RHCG: variants seen among roughly 807,000 people sequenced by gnomAD.
The protein encoded by RHCG is ammonium transporter Rh type C.
A neutral mutation model predicts 55.3 loss-of-function variants in RHCG; 39 were observed. The ratio of observed to expected loss-of-function variants is 0.70; its 90% CI spans 0.55 to 0.92. The LOEUF (loss-of-function observed/expected upper bound fraction) is 0.92. RHCG is among the 40% of genes least tolerant of loss of function. The pLI is 0.00. For synonymous variants in RHCG, 250 were observed against 246.8 expected (o/e 1.01, Z -0.12); for missense variants, 635 against 627.9 (o/e 1.01, Z -0.12).
intron 5 of RHCG, 136 bp downstream of exon 5, chr15:89,479,186 A>C (rs1232090952): frequency 3.4e-6 from 3 of 879,506 alleles, no homozygotes; most frequent in Non-Finnish European, 5.0e-6. Context: ...CATGTGCTCA[A>C]AACAAATCAT....
chr15:89,473,564 T>A lies in RHCG; in HGVS notation c.1312-701A>T, dbSNP rs528166065. Reference sequence around the variant, plus strand: ...TACCCATGGGTTTTGTATCAGCAGGTTACACCTATCACAGGTTGAAAATAT... The same window carrying A: ...TACCCATGGGTTTTGTATCAGCAGGATACACCTATCACAGGTTGAAAATAT... On this transcript the variant is annotated intron_variant, in intron 9 of 10. Transcript: ENST00000268122. Among the ~76,000 whole-genome samples, 24 of 152,250 alleles carry A rather than the reference T, an allele frequency of 1.6e-4. No homozygotes were observed. The South Asian group carries it at 5.0e-3, about 32-fold the overall frequency.
intron 1 of RHCG, among the ~76,000 whole-genome samples, chr15:89,495,606 G>A (rs1337709898): frequency 6.6e-6 from 1 of 152,168 alleles, no homozygotes; most frequent in Admixed American, 6.5e-5. Context: ...TGTGTTTGGT[G>A]CTCTTGTAGC....
At chr15:89,486,642 G>GTC in intron 2 of RHCG, 157 bp downstream of exon 2, 1 of 537,730 alleles carries the variant, frequency 1.9e-6, no homozygotes, top group East Asian at 3.8e-5. Context: ...GTGTGTGTGT[G>GTC]TATCTGTCTC....
chr15:89,472,658 G>C (rs892283214), intron 10 of RHCG, 53 bp downstream of exon 10: 1 of 1,531,454 alleles, frequency 6.5e-7, no homozygotes, highest in Non-Finnish European at 8.9e-7. Flanking sequence ...CTGAGAGCTG[G>C]GCCCCCACTG....
At chr15:89,486,594 G>GAT (rs879591410) in intron 2 of RHCG, 1 of 499,048 alleles carries the variant, frequency 2.0e-6, no homozygotes. Context: ...GAGAGAGAGA[G>GAT]AGAGAGTGTG....
chr15:89,472,416 T>C (rs553734915), intron 10 of RHCG, among the ~76,000 whole-genome samples: 1 of 152,224 alleles, frequency 6.6e-6, no homozygotes, highest in African/African-American at 2.4e-5. Flanking sequence ...ATTCTCAAAG[T>C]CACACACCAG....
At position 89,479,435 on chromosome 15, in the gene RHCG, G is replaced by A; in HGVS notation, c.724C>T (p.His242Tyr). ...WPSFNSAISY[H>Y]GDSQHRAAIN... ...GCGGCTCGGTGCTGGCTGTCCCCATGGTAGGATATGGCTGAGTTGAAGCTG... is the reference window on the plus strand; with the variant it reads ...GCGGCTCGGTGCTGGCTGTCCCCATAGTAGGATATGGCTGAGTTGAAGCTG... Residue 242 changes from histidine to tyrosine, a missense_variant, in exon 5 of 11, where the codon CAT (histidine) becomes TAT (tyrosine). By Grantham distance (83) the His-to-Tyr change is moderately conservative (BLOSUM62 2). Coordinates refer to ENST00000268122, the MANE Select transcript of RHCG (RefSeq NM_016321.3). The A allele has an allele frequency of 6.2e-7, 1 of 1,614,054 alleles. No homozygotes were observed. The highest frequency in any genetic ancestry group is 8.5e-7 in the Non-Finnish European group (1 of 1,179,998).
At position 89,492,340 on chromosome 15, in the gene RHCG, C is replaced by A. The variant is rs546298230; in HGVS notation, c.184+4021G>T. 6.6e-5 allele frequency among the ~76,000 whole-genome samples: 10 copies of A among 152,330 alleles called. No homozygotes were observed. The East Asian group carries it at 1.9e-3, about 29-fold the overall frequency. On this transcript the variant is annotated intron_variant, in intron 1 of 10. Coordinates refer to ENST00000268122, the MANE Select transcript of RHCG (RefSeq NM_016321.3). Reference sequence around the variant, plus strand: ...GAACAAAGTGTCCCACACTAATGGGCCTCTGCAGCCCTCCCCTCTGCTGCA... The same window carrying A: ...GAACAAAGTGTCCCACACTAATGGGACTCTGCAGCCCTCCCCTCTGCTGCA...
Position 89,480,396 on chromosome 15 carries a change from C to T in RHCG, c.535G>A (p.Gly179Arg). 1 of 1,613,532 alleles carries T rather than the reference C, an allele frequency of 6.2e-7. No homozygotes were observed. Among genetic ancestry groups the T allele is most frequent in the Non-Finnish European group, 8.5e-7 (1 of 1,179,544 alleles). ...LLNLLKVKDAGGSMTIHTFGA... is the reference protein window; with the variant it reads ...LLNLLKVKDARGSMTIHTFGA... ...AATGTGTGGATGGTCATGGAGCCTC[C>T]TGCATCCTTCACCTGGGGTGCAAGG... Residue 179 changes from glycine (G) to arginine (R), a missense_variant, in exon 4 of 11, where the codon GGA (glycine) becomes AGA (arginine). Coordinates refer to ENST00000268122, the MANE Select transcript of RHCG (RefSeq NM_016321.3).
chr15:89,484,475 G>T (rs1381261069), intron 2 of RHCG, among the ~76,000 whole-genome samples: 1 of 152,088 alleles, frequency 6.6e-6, no homozygotes, highest in Admixed American at 6.6e-5. Flanking sequence ...TGATAGAAGT[G>T]ACCATTAGAA....
chr15:89,473,295 G>A (rs767176776), intron 9 of RHCG, among the ~76,000 whole-genome samples: 3 of 152,214 alleles, frequency 2.0e-5, no homozygotes, highest in African/African-American at 7.2e-5. Context: ...AGACAGGTCC[G>A]AAAATGGGGT....
At chr15:89,488,775 G>A (rs541955776) in intron 1 of RHCG, among the ~76,000 whole-genome samples, 1 of 60,272 alleles carries the variant, frequency 1.7e-5, no homozygotes, top group Non-Finnish European at 3.8e-5. Flanking sequence ...TGGGAGAATG[G>A]GGGGGGGGGA....
chr15:89,496,252 G>T, intron 1 of RHCG, 109 bp downstream of exon 1: 1 of 1,115,814 alleles, frequency 9.0e-7, no homozygotes, highest in Non-Finnish European at 1.3e-6. Context: ...TGCGGAGTCC[G>T]CGGCTGCAGG....
intron 2 of RHCG, 58 bp from the exon 3 acceptor site, chr15:89,483,275 G>A: frequency 6.9e-7 from 1 of 1,443,076 alleles, no homozygotes; most frequent in South Asian, 1.5e-5. Context: ...GGCACTGGAG[G>A]CCCTGGACTT....
Position 89,477,381 on chromosome 15 carries a change from A to T in RHCG, c.1112+136T>A. 7.1e-7 allele frequency: 1 copy of T among 1,401,122 alleles called. No homozygotes were observed. Among genetic ancestry groups the T allele is most frequent in the South Asian group, 1.3e-5 (1 of 74,896 alleles). The allele number at this position is 1,401,122 out of a possible 1,614,324, so 86.8% of individuals were successfully genotyped here. A position where few individuals can be genotyped will look rare whatever the true frequency, so the allele number is the denominator to read the frequency against. On this transcript the variant is annotated intron_variant, in intron 7 of 10. Coordinates refer to ENST00000268122, the MANE Select transcript of RHCG (RefSeq NM_016321.3). This position sits in a 1 kb window ranked among gnomAD's most constrained non-coding sequence, Gnocchi z 4.5. The stretch of plus-strand genomic sequence containing the variant: ...TCTAAGGGACAGAGTTTGGGGAGAG[A>T]GACCCATGAAACAATTGGTCCAGAG...
At chr15:89,495,701 C>T (rs1961553406) in intron 1 of RHCG, among the ~76,000 whole-genome samples, 1 of 152,204 alleles carries the variant, frequency 6.6e-6, no homozygotes, top group Admixed American at 6.5e-5. Flanking sequence ...CACCCCAACC[C>T]CTGTGAAGGA....
chr15:89,496,410 C>G lies in RHCG; in HGVS notation c.135G>C (p.Thr45=). 4 of 1,614,024 alleles carry G rather than the reference C, an allele frequency of 2.5e-6. No homozygotes were observed. The highest frequency in any genetic ancestry group is 3.4e-6 in the Non-Finnish European group (4 of 1,179,972). The change falls in exon 1 of 11, where the codon ACG becomes ACC. Residue 45 remains threonine (T), a synonymous_variant. Coordinates refer to ENST00000268122, the MANE Select transcript of RHCG (RefSeq NM_016321.3). The part of the protein sequence containing the change: ...EADAHWWSER[T]HKNLSDMENE... ...TCTCCATGTCGCTCAAGTTCTTGTGCGTCCTCTCTGACCACCAGTGGGCGT... is the reference window on the plus strand; with the variant it reads ...TCTCCATGTCGCTCAAGTTCTTGTGGGTCCTCTCTGACCACCAGTGGGCGT...
At chr15:89,476,988 G>A in intron 8 of RHCG, 94 bp downstream of exon 8, 3 of 1,577,960 alleles carry the variant, frequency 1.9e-6, no homozygotes, top group Non-Finnish European at 2.6e-6. Context: ...ATTCCTGGGG[G>A]CTCAGGCTGA....
In RHCG at chr15:89,483,099, C is replaced by T. The variant is rs769791679; in HGVS notation, c.490G>A (p.Val164Met). 2 of 1,605,322 alleles carry T rather than the reference C, an allele frequency of 1.2e-6. No homozygotes were observed. The highest frequency in any genetic ancestry group is 1.1e-5 in the South Asian group (1 of 90,720). The stretch of plus-strand genomic sequence containing the variant: ...AGGTTAAGGAGAATGAACTCATTCA[C>T]AGCGAAGAGGGTCACTTGGAAGAAA... ...MTFFQVTLFA[V>M]NEFILLNLLK... The change falls in exon 3 of 11, where the codon GTG becomes ATG. Residue 164 changes from valine (V) to methionine (M), a missense_variant. By Grantham distance (21) the Val-to-Met change is conservative. Transcript: ENST00000268122.
Sources: gnomAD v4.1 joint callset for allele counts (sites outside exome capture counted in the v4.1 genomes callset) on GRCh38, gnomAD v4.1.1 for gene constraint, Gnocchi (gnomAD v3.1) non-coding constraint, MANE v1.5 for transcripts, NCBI Gene and HGNC (gene_info 2026-07-23, HGNC 2026-07-21) for gene names.